Variants in TGM3 observed in about 807,000 individuals in gnomAD.
TGM3 encodes transglutaminase 3.
In TGM3, 52 loss-of-function variants were observed where a neutral mutation model predicts 73.8. That is an observed-to-expected ratio of 0.70 (90% CI 0.56 to 0.89). TGM3 has a LOEUF of 0.89. Ranked by LOEUF, TGM3 falls within the 40% of genes least tolerant of loss-of-function variation. The pLI, the probability that TGM3 is intolerant of heterozygous loss-of-function variation, is 0.00. For synonymous variants in TGM3, 372 were observed against 354.9 expected (o/e 1.05, Z -0.54); for missense variants, 928 against 909.9 (o/e 1.02, Z -0.26).
chr20:2,300,217 G>GAAGA (rs1244109974), intron 1 of TGM3, among the ~76,000 whole-genome samples: 3 of 117,632 alleles, frequency 2.6e-5, no homozygotes, highest in African/African-American at 5.6e-5. Flanking sequence ...GAAAGAAAGA[G>GAAGA]AAGAAAGAAA....
chr20:2,329,804 GT>G (rs1487673404), intron 9 of TGM3, among the ~76,000 whole-genome samples: 2 of 152,090 alleles, frequency 1.3e-5, no homozygotes, highest in Admixed American at 1.3e-4. Context: ...ATGAGCTAAG[GT>G]ATACAAAGTG....
intron 7 of TGM3, among the ~76,000 whole-genome samples, chr20:2,321,800 G>A (rs1206879773): frequency 6.6e-6 from 1 of 152,172 alleles, no homozygotes; most frequent in Non-Finnish European, 1.5e-5. Flanking sequence ...TGGCGCCACT[G>A]GGCATTGGAA....
chr20:2,320,906 A>G (rs2084259244), intron 7 of TGM3, among the ~76,000 whole-genome samples: 1 of 151,994 alleles, frequency 6.6e-6, no homozygotes, highest in African/African-American at 2.4e-5. Flanking sequence ...CATAGATCTG[A>G]CTCTACCTGT....
intron 1 of TGM3, among the ~76,000 whole-genome samples, chr20:2,307,070 T>G (rs1392681966): frequency 6.6e-6 from 1 of 152,212 alleles, no homozygotes; most frequent in Non-Finnish European, 1.5e-5. Flanking sequence ...CAGACCCTTG[T>G]TGATTGCACA....
intron 4 of TGM3, among the ~76,000 whole-genome samples, chr20:2,312,539 C>T (rs973399662): frequency 6.6e-6 from 1 of 151,980 alleles, no homozygotes; most frequent in South Asian, 2.1e-4. Flanking sequence ...GCAGCCGGGG[C>T]GTCGGCTAGA....
chr20:2,339,699 A>G (rs1410090567), intron 11 of TGM3, among the ~76,000 whole-genome samples, 155 bp from the exon 12 acceptor site: 1 of 152,006 alleles, frequency 6.6e-6, no homozygotes, highest in African/African-American at 2.4e-5. Flanking sequence ...CGTCAGACAC[A>G]ATGTGCCTGG....
chr20:2,312,418 A>AG (rs2084210456), intron 4 of TGM3, among the ~76,000 whole-genome samples: 1 of 150,686 alleles, frequency 6.6e-6, no homozygotes, highest in Non-Finnish European at 1.5e-5. Context: ...AAAAAAAAAA[A>AG]AAAGGATGGG....
chr20:2,310,080 T>G (rs1453876211), intron 2 of TGM3, 98 bp from the exon 3 acceptor site: 2 of 1,540,912 alleles, frequency 1.3e-6, no homozygotes, highest in African/African-American at 1.4e-5. Flanking sequence ...GGCGCTTCAT[T>G]GGCTCATGTC....
rs774522068 is a variant in TGM3 at position 2,340,594 on chromosome 20, GC to G, written c.*15del. ...TGTAGCCGAATGAAGGGCGCTGGTGGCCTCCCGTACAAACTTGGACAACACG... is the reference window on the plus strand; with the variant it reads ...TGTAGCCGAATGAAGGGCGCTGGTGGCTCCCGTACAAACTTGGACAACACG... On this transcript the variant is annotated 3_prime_UTR_variant, in exon 13 of 13. Transcript: ENST00000381458. 6.2e-7 allele frequency: 1 copy of G among 1,613,996 alleles called. No individual in the cohort carries two copies. Among genetic ancestry groups the G allele is most frequent in the African/African-American group, 1.3e-5 (1 of 74,922 alleles).
Position 2,341,073 on chromosome 20 carries a change from T to A in TGM3, c.*492T>A. 2.5e-6 allele frequency: 1 copy of A among 401,128 alleles called. No individual in the cohort carries two copies. Among genetic ancestry groups the A allele is most frequent in the Non-Finnish European group, 5.1e-6 (1 of 196,586 alleles). 24.8% of individuals were successfully genotyped at this position (401,128 alleles called of 1,614,324 possible). A position where few individuals can be genotyped will look rare whatever the true frequency, so the allele number is the denominator to read the frequency against. ...CAAAATAAATGTTAAATAAGTGCGA[T>A]CACACAGCACCGACTCTACCTGACT... On this transcript the variant is annotated 3_prime_UTR_variant, in exon 13 of 13. Coordinates refer to ENST00000381458, the MANE Select transcript of TGM3 (RefSeq NM_003245.4).
chr20:2,307,579 G>A (rs2084182388), intron 1 of TGM3, among the ~76,000 whole-genome samples: 1 of 152,026 alleles, frequency 6.6e-6, no homozygotes, highest in African/African-American at 2.4e-5. Flanking sequence ...TTGCCTGCCT[G>A]CATCTCTCAT....
At chr20:2,310,074 C>T (rs141501382) in intron 2 of TGM3, 104 bp from the exon 3 acceptor site, 17,966 of 1,525,114 alleles carry the variant, frequency 0.012, 118 homozygotes, top group Middle Eastern at 0.015. Flanking sequence ...GAATATGGCG[C>T]TTCATTGGCT....
chr20:2,308,019 T>C (rs1332975758), intron 1 of TGM3, among the ~76,000 whole-genome samples: 1 of 152,016 alleles, frequency 6.6e-6, no homozygotes, highest in Non-Finnish European at 1.5e-5. Flanking sequence ...CCCAGGAGTT[T>C]GAGACAAGCT....
chr20:2,298,435 G>A (rs214769), intron 1 of TGM3, among the ~76,000 whole-genome samples: 112,504 of 152,100 alleles, frequency 0.74, 43,509 homozygotes, highest in East Asian at 0.93. Flanking sequence ...AGTTCTCAGG[G>A]TACACACCTG....
chr20:2,302,021 G>C (rs530043776), intron 1 of TGM3, among the ~76,000 whole-genome samples: 1 of 152,094 alleles, frequency 6.6e-6, no homozygotes, highest in Non-Finnish European at 1.5e-5. Flanking sequence ...ATTTCTGTCA[G>C]CCCTCATTAA....
chr20:2,303,124 C>A (rs2084159237), intron 1 of TGM3, among the ~76,000 whole-genome samples: 1 of 151,984 alleles, frequency 6.6e-6, no homozygotes, highest in African/African-American at 2.4e-5. Flanking sequence ...CATGGCGAAA[C>A]CCTGTCTCTA....
chr20:2,304,295 A>T (rs2084166458), intron 1 of TGM3, among the ~76,000 whole-genome samples: 4 of 152,124 alleles, frequency 2.6e-5, no homozygotes, highest in Admixed American at 2.6e-4. Flanking sequence ...AAGGGACAGG[A>T]CGATGACTGA....
Position 2,328,503 on chromosome 20 carries a change from C to A in TGM3, c.1333+138C>A. The A allele has an allele frequency of 1.6e-6, 2 of 1,221,568 alleles. No individual in the cohort carries two copies. Among genetic ancestry groups the A allele is most frequent in the Non-Finnish European group, 1.1e-6 (1 of 881,640 alleles). The allele number at this position is 1,221,568 out of a possible 1,614,324, so 75.7% of individuals were successfully genotyped here. On this transcript the variant is annotated intron_variant, in intron 9 of 12. Transcript: ENST00000381458. The surrounding 1 kb of genome is among the most constrained non-coding windows in gnomAD (Gnocchi z 5.2). ...CCTGAATGATAGGATTGCTCCCTAGCACCTAACATCCACCTCCCAGGACTG... is the reference window on the plus strand; with the variant it reads ...CCTGAATGATAGGATTGCTCCCTAGAACCTAACATCCACCTCCCAGGACTG...
chr20:2,335,445 C>A (rs961794358), intron 11 of TGM3, among the ~76,000 whole-genome samples, 172 bp downstream of exon 11: 1 of 152,204 alleles, frequency 6.6e-6, no homozygotes, highest in African/African-American at 2.4e-5. Flanking sequence ...TGCCAAATAG[C>A]CAAGAGCTCC....
Sources: allele counts gnomAD v4.1 joint callset (sites outside exome capture counted in the v4.1 genomes callset), GRCh38; gene constraint gnomAD v4.1.1; non-coding constraint Gnocchi (gnomAD v3.1); transcripts MANE v1.5; gene names NCBI Gene and HGNC (gene_info 2026-07-23, HGNC 2026-07-21).